Variants in ERGIC1 observed in about 807,000 individuals in gnomAD.
ERGIC1 encodes the protein endoplasmic reticulum-Golgi intermediate compartment protein 1.
Under a neutral mutation model 38.3 loss-of-function variants are expected in ERGIC1, and 19 were observed. That is an observed-to-expected ratio of 0.50 (90% CI 0.35 to 0.73). The LOEUF is 0.73. Among genes scored for constraint, ERGIC1 ranks in the 30% least tolerant of loss-of-function variants. The pLI, the probability that ERGIC1 is intolerant of heterozygous loss-of-function variation, is 0.01. For synonymous variants in ERGIC1, 124 were observed against 157.6 expected (o/e 0.79, Z 1.60); for missense variants, 294 against 389.2 (o/e 0.76, Z 2.06).
At chr5:172,842,673 C>T (rs1367620611) in intron 1 of ERGIC1, among the ~76,000 whole-genome samples, 4 of 152,234 alleles carry the variant, frequency 2.6e-5, no homozygotes, top group African/African-American at 7.2e-5. Flanking sequence ...ATCTTGCCAA[C>T]ATGTCTTTTG....
chr5:172,924,260 G>A (rs1763599397), intron 6 of ERGIC1, 151 bp downstream of exon 6: 5 of 755,586 alleles, frequency 6.6e-6, no homozygotes, highest in Non-Finnish European at 1.1e-5. Context: ...GGTTTCACCA[G>A]GAACAGAACA....
At chr5:172,905,978 T>C (rs866059949) in intron 3 of ERGIC1, 25 of 445,476 alleles carry the variant, frequency 5.6e-5, no homozygotes, top group South Asian at 3.8e-4. Context: ...TGGTCAGGTG[T>C]GAGCTGAGTT....
At chr5:172,869,391 C>T (rs569763811) in intron 1 of ERGIC1, among the ~76,000 whole-genome samples, 23 of 152,344 alleles carry the variant, frequency 1.5e-4, no homozygotes, top group African/African-American at 4.3e-4. Flanking sequence ...GCAGCCAGCA[C>T]ACTGAAGTCG....
intron 1 of ERGIC1, among the ~76,000 whole-genome samples, chr5:172,864,610 T>C (rs1761804851): frequency 6.6e-6 from 1 of 152,062 alleles, no homozygotes. Context: ...AAGAGGAATA[T>C]AGGGGCTGTC....
At chr5:172,845,532 C>G (rs1352388174) in intron 1 of ERGIC1, among the ~76,000 whole-genome samples, 1 of 152,178 alleles carries the variant, frequency 6.6e-6, no homozygotes, top group Non-Finnish European at 1.5e-5. Flanking sequence ...GCCTGTGTGC[C>G]AGGTATCATT....
At chr5:172,908,729 G>A in intron 3 of ERGIC1, among the ~76,000 whole-genome samples, 1 of 152,166 alleles carries the variant, frequency 6.6e-6, no homozygotes, top group Non-Finnish European at 1.5e-5. Context: ...TTAGACTTCT[G>A]ACCTCCAAAA....
intron 5 of ERGIC1, among the ~76,000 whole-genome samples, chr5:172,918,650 A>ATCT (rs1364944882): frequency 6.6e-6 from 1 of 152,246 alleles, no homozygotes; most frequent in Non-Finnish European, 1.5e-5. Context: ...AGTGCTCCAG[A>ATCT]AAACGCTGAT....
chr5:172,945,420 G>A (rs1764099984), intron 9 of ERGIC1, among the ~76,000 whole-genome samples: 1 of 152,196 alleles, frequency 6.6e-6, no homozygotes, highest in Non-Finnish European at 1.5e-5. Context: ...TGTATGACTC[G>A]TCTTGCCTTC....
At chr5:172,908,779 G>A (rs1009359379) in intron 3 of ERGIC1, among the ~76,000 whole-genome samples, 15 of 152,250 alleles carry the variant, frequency 9.9e-5, no homozygotes, top group Non-Finnish European at 1.8e-4. Context: ...AGCCATTCCC[G>A]TTGTGATAAT....
intron 1 of ERGIC1, among the ~76,000 whole-genome samples, chr5:172,863,967 G>A (rs1032292571): frequency 5.3e-5 from 8 of 152,168 alleles, no homozygotes; most frequent in Admixed American, 1.3e-4. Context: ...AGGCAGAGGC[G>A]GGCGGATCAC....
intron 1 of ERGIC1, among the ~76,000 whole-genome samples, chr5:172,842,802 G>A (rs1761190664): frequency 6.6e-6 from 1 of 152,168 alleles, no homozygotes; most frequent in Non-Finnish European, 1.5e-5. Flanking sequence ...CCATTTGTAT[G>A]TCTTGTTTGG....
At chr5:172,866,627 A>G (rs1173795873) in intron 1 of ERGIC1, among the ~76,000 whole-genome samples, 2 of 152,328 alleles carry the variant, frequency 1.3e-5, no homozygotes, top group East Asian at 3.9e-4. Context: ...CGAAGTGAGC[A>G]CTATTTGACA....
At position 172,924,015 on chromosome 5, in the gene ERGIC1, A is replaced by G; in HGVS notation, c.386A>G (p.Asn129Ser). ...GQFSINKVPG[N>S]FHVSTHSATA... ...ACATTTCTCCCCCAGGTCCCCGGCA[A>G]CTTCCACGTGTCCACACACAGTGCC... The change falls in exon 6 of 10, where the codon AAC (asparagine) becomes AGC (serine). Residue 129 changes from asparagine (N) to serine (S), a missense_variant. Physicochemically the swap from Asn to Ser is conservative, Grantham distance 46 (BLOSUM62 1). This residue lies in a region of ERGIC1 where 163 missense variants were observed against 225.8 expected (regional missense o/e 0.72). Transcript: ENST00000393784. 6.2e-7 allele frequency: 1 copy of G among 1,614,100 alleles called. No individual in the cohort carries two copies. Among genetic ancestry groups the G allele is most frequent in the Non-Finnish European group, 8.5e-7 (1 of 1,180,010 alleles).
intron 9 of ERGIC1, among the ~76,000 whole-genome samples, chr5:172,939,419 A>G (rs1763959425): frequency 6.6e-6 from 1 of 152,244 alleles, no homozygotes; most frequent in African/African-American, 2.4e-5. Context: ...GCCCAGTATA[A>G]CATGTCGTAT....
intron 1 of ERGIC1, among the ~76,000 whole-genome samples, chr5:172,887,944 G>A (rs149325469): frequency 9.2e-5 from 14 of 152,214 alleles, no homozygotes; most frequent in East Asian, 5.8e-4. Context: ...GAGAGGTGAC[G>A]TGGAGCAAGA....
intron 1 of ERGIC1, among the ~76,000 whole-genome samples, chr5:172,848,533 C>CT (rs1256898360): frequency 2.6e-5 from 4 of 152,172 alleles, no homozygotes; most frequent in African/African-American, 7.2e-5. Flanking sequence ...CTTCAGATCC[C>CT]TTGGCACAAT....
intron 3 of ERGIC1, among the ~76,000 whole-genome samples, chr5:172,905,668 G>A (rs1003837181): frequency 6.6e-6 from 1 of 152,248 alleles, no homozygotes; most frequent in Non-Finnish European, 1.5e-5. Context: ...CGGATCCAGA[G>A]GGGTGGAAGT....
At chr5:172,908,300 C>CG (rs374463442) in intron 3 of ERGIC1, among the ~76,000 whole-genome samples, 15,394 of 17,162 alleles carry the variant, frequency 0.9, 6,965 homozygotes, top group South Asian at 0.92. Context: ...GAGGCTGAGG[C>CG]GGGGGCGGGG....
At chr5:172,899,520 T>A (rs979019291) in intron 3 of ERGIC1, among the ~76,000 whole-genome samples, 4 of 152,002 alleles carry the variant, frequency 2.6e-5, no homozygotes, top group Admixed American at 1.3e-4. Flanking sequence ...TTTCACCATT[T>A]TGGTGAGGCT....
Sources: gnomAD v4.1 joint callset for allele counts (sites outside exome capture counted in the v4.1 genomes callset) on GRCh38, gnomAD v4.1.1 for gene constraint, gnomAD v4.1.1 regional missense constraint, MANE v1.5 for transcripts, NCBI Gene and HGNC (gene_info 2026-07-23, HGNC 2026-07-21) for gene names.